Variants in LRRTM4 observed in about 807,000 individuals in gnomAD.
LRRTM4 encodes the protein leucine-rich repeat transmembrane neuronal protein 4.
In LRRTM4, 25 loss-of-function variants were observed where a neutral mutation model predicts 47.6. The ratio of observed to expected loss-of-function variants is 0.53; its 90% CI spans 0.38 to 0.73. The LOEUF (loss-of-function observed/expected upper bound fraction) is 0.73. LRRTM4 is among the 30% of genes least tolerant of loss of function. The pLI is 0.00. For missense variants in LRRTM4, 638 were observed against 713.4 expected (o/e 0.89, Z 1.20); for synonymous variants, 311 against 269.5 (o/e 1.15, Z -1.51).
At chr2:76,831,766 G>A (rs1478843682) in intron 3 of LRRTM4, among the ~76,000 whole-genome samples, 2 of 151,934 alleles carry the variant, frequency 1.3e-5, no homozygotes, top group African/African-American at 4.8e-5. Context: ...GGATCCTACT[G>A]TTGTCACTAA....
chr2:76,821,031 G>A (rs1383136487), intron 3 of LRRTM4, among the ~76,000 whole-genome samples: 1 of 151,662 alleles, frequency 6.6e-6, no homozygotes, highest in African/African-American at 2.4e-5. Context: ...AGGATACTGT[G>A]CAAGGGTCTA....
At chr2:77,227,365 C>A (rs1674843692) in intron 3 of LRRTM4, among the ~76,000 whole-genome samples, 1 of 151,872 alleles carries the variant, frequency 6.6e-6, no homozygotes, top group South Asian at 2.1e-4. Context: ...AGTTTAAAAA[C>A]ACAATTTAAT....
At chr2:77,098,490 CAA>C (rs1004231743) in intron 3 of LRRTM4, among the ~76,000 whole-genome samples, 22 of 151,802 alleles carry the variant, frequency 1.4e-4, no homozygotes, top group African/African-American at 4.4e-4. Context: ...CTACTAGAGA[CAA>C]AATTTATAGT....
chr2:77,330,400 A>T (rs1278465672), intron 3 of LRRTM4, among the ~76,000 whole-genome samples: 1 of 152,200 alleles, frequency 6.6e-6, no homozygotes, highest in Non-Finnish European at 1.5e-5. Flanking sequence ...GCTGATTGCA[A>T]TCAAAAGAGT....
At chr2:76,856,596 A>G (rs58061039) in intron 3 of LRRTM4, among the ~76,000 whole-genome samples, 24,673 of 152,096 alleles carry the variant, frequency 0.16, 2,159 homozygotes, top group Admixed American at 0.22. Flanking sequence ...TTAATAGGAA[A>G]AAGAAGAAAA....
chr2:76,898,067 T>C (rs1038846156), intron 3 of LRRTM4, among the ~76,000 whole-genome samples: 21 of 152,182 alleles, frequency 1.4e-4, no homozygotes, highest in Non-Finnish European at 2.9e-5. Flanking sequence ...CTCTTTAGAA[T>C]TGAAGAGGGT....
At chr2:77,495,252 T>C (rs1416368904) in intron 3 of LRRTM4, among the ~76,000 whole-genome samples, 1 of 152,092 alleles carries the variant, frequency 6.6e-6, no homozygotes, top group Non-Finnish European at 1.5e-5. Context: ...CAATTTTACA[T>C]CCCTACTAGC....
chr2:77,182,738 C>G (rs895087900), intron 3 of LRRTM4, among the ~76,000 whole-genome samples: 23 of 152,174 alleles, frequency 1.5e-4, no homozygotes, highest in Middle Eastern at 3.4e-3. Context: ...GAGGGCATCC[C>G]TGCCTTGCGC....
At chr2:77,115,344 CAT>C (rs1354975073) in intron 3 of LRRTM4, among the ~76,000 whole-genome samples, 9 of 152,154 alleles carry the variant, frequency 5.9e-5, no homozygotes, top group Admixed American at 2.0e-4. Context: ...TGTTCAAACA[CAT>C]GTTTGACAAT....
At chr2:77,041,927 A>G (rs1404034266) in intron 3 of LRRTM4, among the ~76,000 whole-genome samples, 1 of 98,816 alleles carries the variant, frequency 1.0e-5, no homozygotes, top group Non-Finnish European at 1.8e-5. Flanking sequence ...GAATGGAATA[A>G]AGAGAATCAT....
Position 77,142,442 on chromosome 2 carries a change from C to A in LRRTM4, c.1551+375876G>T, listed in dbSNP as rs573258192. The stretch of plus-strand genomic sequence containing the variant: ...TACCACACACACATACACACACACA[C>A]ACACACACACACACACTTATCTCAA... On this transcript the variant is annotated intron_variant, in intron 3 of 3. Transcript: ENST00000409884. Among the ~76,000 whole-genome samples the A allele has an allele frequency of 9.9e-3, 1,503 of 151,696 alleles. 26 individuals are homozygous for A. The highest frequency in any genetic ancestry group is 0.037 in the Middle Eastern group (11 of 294).
At chr2:76,857,610 A>T (rs990596652) in intron 3 of LRRTM4, among the ~76,000 whole-genome samples, 3 of 152,086 alleles carry the variant, frequency 2.0e-5, no homozygotes, top group Non-Finnish European at 2.9e-5. Context: ...CTAACACAGC[A>T]TTATAGTCTT....
At chr2:76,917,822 A>AGTTATACCTCACTTC (rs1466758366) in intron 3 of LRRTM4, among the ~76,000 whole-genome samples, 1 of 152,124 alleles carries the variant, frequency 6.6e-6, no homozygotes, top group Admixed American at 6.6e-5. Flanking sequence ...GGTAGAAGTA[A>AGTTATACCTCACTTC]GTTATACCTC....
At chr2:76,998,845 G>A (rs755015208) in intron 3 of LRRTM4, among the ~76,000 whole-genome samples, 1 of 149,030 alleles carries the variant, frequency 6.7e-6, no homozygotes, top group Non-Finnish European at 1.5e-5. Flanking sequence ...GCCCCTTTGT[G>A]GTTATGACTC....
chr2:77,406,320 A>C (rs1413969492), intron 3 of LRRTM4, among the ~76,000 whole-genome samples: 1 of 152,148 alleles, frequency 6.6e-6, no homozygotes, highest in South Asian at 2.1e-4. Context: ...TACATGCATT[A>C]TCTATTATTA....
intron 3 of LRRTM4, among the ~76,000 whole-genome samples, chr2:76,994,099 C>A (rs1041352072): frequency 6.6e-6 from 1 of 151,700 alleles, no homozygotes; most frequent in Non-Finnish European, 1.5e-5. Flanking sequence ...ACAATAGACA[C>A]TGCAGACAAT....
intron 3 of LRRTM4, among the ~76,000 whole-genome samples, chr2:77,413,417 A>T (rs1674515701): frequency 1.3e-5 from 2 of 152,094 alleles, no homozygotes; most frequent in Admixed American, 1.3e-4. Flanking sequence ...AACTCATCCT[A>T]CGCATTCCAA....
At chr2:77,018,341 T>C (rs1678149202) in intron 3 of LRRTM4, among the ~76,000 whole-genome samples, 1 of 149,348 alleles carries the variant, frequency 6.7e-6, no homozygotes, top group South Asian at 2.1e-4. Context: ...AAAGACTTCT[T>C]TGATACCAGC....
intron 3 of LRRTM4, among the ~76,000 whole-genome samples, chr2:77,359,828 C>T (rs2104312305): frequency 6.6e-6 from 1 of 152,206 alleles, no homozygotes; most frequent in Non-Finnish European, 1.5e-5. Context: ...ACACAAAGTG[C>T]CTGGTACACA....
Sources: allele counts gnomAD v4.1 joint callset (sites outside exome capture counted in the v4.1 genomes callset), GRCh38; gene constraint gnomAD v4.1.1; transcripts MANE v1.5; gene names NCBI Gene and HGNC (gene_info 2026-07-23, HGNC 2026-07-21).